TMEM87A: variants seen among roughly 807,000 people sequenced by gnomAD.
TMEM87A encodes Golgi-pH regulating cation channel.
In TMEM87A, 50 loss-of-function variants were observed where a neutral mutation model predicts 90.0. The observed-to-expected ratio is 0.56, with a 90% CI of 0.44 to 0.70. The LOEUF is 0.70. Among genes scored for constraint, TMEM87A ranks in the 30% least tolerant of loss-of-function variants. The pLI, the probability that TMEM87A is intolerant of heterozygous loss-of-function variation, is 0.00. For synonymous variants in TMEM87A, 226 were observed against 226.7 expected (o/e 1.00, Z 0.03); for missense variants, 577 against 660.5 (o/e 0.87, Z 1.39).
chr15:42,257,578 T>C (rs1312174375), intron 6 of TMEM87A, among the ~76,000 whole-genome samples: 1 of 152,338 alleles, frequency 6.6e-6, no homozygotes, highest in East Asian at 1.9e-4. Context: ...CTCACTTTCT[T>C]GGGGCCATAA....
chr15:42,248,009 T>C (rs915258397), intron 6 of TMEM87A, among the ~76,000 whole-genome samples: 2 of 152,120 alleles, frequency 1.3e-5, no homozygotes, highest in Non-Finnish European at 2.9e-5. Context: ...CACATCCCTT[T>C]TAAATTGGAT....
In TMEM87A at chr15:42,211,121, A is replaced by G. The variant is rs910929295; in HGVS notation, c.*587T>C. The G allele has an allele frequency of 1.4e-5, 2 of 147,262 alleles. No homozygotes were observed. The highest frequency in any genetic ancestry group is 2.0e-4 in the East Asian group (1 of 4,920). The allele number at this position is 147,262 out of a possible 1,614,324, so 9.1% of individuals were successfully genotyped here. ...TTTGCTTTTTTAAATGATCTGAATC[A>G]TACTGTAACAGTTTCTCTTTTTTTT... is the stretch of plus-strand genomic sequence containing the variant. On this transcript the variant is annotated 3_prime_UTR_variant, in exon 20 of 20. Coordinates refer to ENST00000389834, the MANE Select transcript of TMEM87A (RefSeq NM_015497.5).
At chr15:42,242,877 T>A (rs1025162409) in intron 7 of TMEM87A, among the ~76,000 whole-genome samples, 3 of 152,164 alleles carry the variant, frequency 2.0e-5, no homozygotes, top group Non-Finnish European at 4.4e-5. Flanking sequence ...AACACAGTAC[T>A]TAATGGTGAA....
At chr15:42,244,813 C>CTAAG (rs2050941254) in intron 6 of TMEM87A, among the ~76,000 whole-genome samples, 1 of 149,168 alleles carries the variant, frequency 6.7e-6, no homozygotes, top group South Asian at 2.2e-4. Context: ...AAACAGAAGA[C>CTAAG]TAAGACACAA....
intron 6 of TMEM87A, among the ~76,000 whole-genome samples, chr15:42,247,065 ATGTGTC>A (rs2050990190): frequency 6.6e-6 from 1 of 150,986 alleles, no homozygotes; most frequent in Non-Finnish European, 1.5e-5. Context: ...CATTTTTTTC[ATGTGTC>A]TGTTGGCTGC....
chr15:42,253,609 C>A (rs1015348874), intron 6 of TMEM87A, among the ~76,000 whole-genome samples: 13 of 152,182 alleles, frequency 8.5e-5, no homozygotes, highest in African/African-American at 2.7e-4. Flanking sequence ...TCCCCTGGCA[C>A]CAGCAACCTG....
intron 11 of TMEM87A, chr15:42,231,812 T>A: frequency 8.9e-7 from 1 of 1,126,576 alleles, no homozygotes; most frequent in African/African-American, 1.6e-5. Context: ...TAACCCTAAT[T>A]ACCCAATCAA....
intron 7 of TMEM87A, among the ~76,000 whole-genome samples, chr15:42,241,807 G>T (rs1448617896): frequency 6.6e-6 from 1 of 152,006 alleles, no homozygotes; most frequent in East Asian, 1.9e-4. Context: ...GGCCAACATG[G>T]TGAAACTAAA....
At position 42,228,824 on chromosome 15, in the gene TMEM87A, T is replaced by C. The variant is rs1302167662; in HGVS notation, c.1132-4A>G. On this transcript the variant is annotated splice_polypyrimidine_tract_variant and splice_region_variant and intron_variant, in intron 12 of 19. Coordinates refer to ENST00000389834, the MANE Select transcript of TMEM87A (RefSeq NM_015497.5). ...TTTGAGTCAGGCTAATAAATATGTG[T>C]TTGCAGGTCAAGGAATTCAACATTC... 6 of 1,563,480 alleles carry C rather than the reference T, an allele frequency of 3.8e-6. No individual in the cohort carries two copies. Among genetic ancestry groups the C allele is most frequent in the Non-Finnish European group, 5.2e-6 (6 of 1,159,048 alleles).
intron 10 of TMEM87A, among the ~76,000 whole-genome samples, chr15:42,235,264 C>T (rs2050750690): frequency 6.6e-6 from 1 of 152,216 alleles, no homozygotes; most frequent in African/African-American, 2.4e-5. Flanking sequence ...GTCTTGAACT[C>T]CTGACCTCAG....
chr15:42,247,052 GA>G (rs1175720990), intron 6 of TMEM87A, among the ~76,000 whole-genome samples: 3 of 14,144 alleles, frequency 2.1e-4, no homozygotes, highest in Non-Finnish European at 3.5e-3. Flanking sequence ...CAGTGATGAT[GA>G]GCATTTTTTT....
At chr15:42,224,977 G>C (rs1042431813) in intron 15 of TMEM87A, among the ~76,000 whole-genome samples, 3 of 152,208 alleles carry the variant, frequency 2.0e-5, no homozygotes, top group Non-Finnish European at 4.4e-5. Context: ...AATATAGCTA[G>C]TGAGTAACCA....
Position 42,260,854 on chromosome 15 carries a change from T to C in TMEM87A, c.504+104A>G, listed in dbSNP as rs2051273632. On this transcript the variant is annotated intron_variant, in intron 6 of 19. Transcript: ENST00000389834. Reference sequence around the variant, plus strand: ...TGGTCTATAGCTTCCAGATTTAACTTTCTTTTCAAATATTAGCATAGTATG... The same window carrying C: ...TGGTCTATAGCTTCCAGATTTAACTCTCTTTTCAAATATTAGCATAGTATG... The C allele has an allele frequency of 6.9e-6, 9 of 1,298,364 alleles. 1 individual carries two copies. The South Asian group carries it at 7.1e-5, about 10-fold the overall frequency. The allele number at this position is 1,298,364 out of a possible 1,614,324, so 80.4% of individuals were successfully genotyped here. A position where few individuals can be genotyped will look rare whatever the true frequency, so the allele number is the denominator to read the frequency against.
At chr15:42,249,395 T>G (rs1369711025) in intron 6 of TMEM87A, among the ~76,000 whole-genome samples, 3 of 152,244 alleles carry the variant, frequency 2.0e-5, no homozygotes, top group Non-Finnish European at 4.4e-5. Flanking sequence ...TTTAGATCTT[T>G]CCTGCTTTCT....
At chr15:42,227,529 C>G (rs1327500289) in intron 14 of TMEM87A, 182 bp downstream of exon 14, 2 of 521,086 alleles carry the variant, frequency 3.8e-6, no homozygotes, top group Non-Finnish European at 6.7e-6. Context: ...CAAAAAACTA[C>G]TATACCAAGC....
chr15:42,264,196 T>A lies in TMEM87A; in HGVS notation c.299A>T (p.Glu100Val), dbSNP rs775024306. The change falls in exon 4 of 20, where the codon GAA (glutamate) becomes GTA (valine). Residue 100 changes from glutamate (E) to valine (V), a missense_variant. Physicochemically the swap from Glu to Val is moderately radical, Grantham distance 121. Transcript: ENST00000389834. The part of the protein sequence containing the change: ...YNEIYNFKAE[E>V]VELYLEKLKE... ...AAGTTTTTCCAAATACAACTCTACT[T>A]CTTCTGCCTGGAAAAAGAGATAATA... 1.6e-5 allele frequency: 26 copies of A among 1,610,862 alleles called. No individual in the cohort carries two copies. The highest frequency in any genetic ancestry group is 2.2e-5 in the East Asian group (1 of 44,794).
rs1187894732 is a variant in TMEM87A, at chr15:42,211,366, C to T, written c.*342G>A. ...GTGTTGATGACAATCTTTTAGAAGACGTTAAACTTTTTAGTTTGTCAGATT... is the reference window on the plus strand; with the variant it reads ...GTGTTGATGACAATCTTTTAGAAGATGTTAAACTTTTTAGTTTGTCAGATT... On this transcript the variant is annotated 3_prime_UTR_variant, in exon 20 of 20. Coordinates refer to ENST00000389834, the MANE Select transcript of TMEM87A (RefSeq NM_015497.5). 2.0e-5 allele frequency: 4 copies of T among 196,332 alleles called. No homozygotes were observed. Among genetic ancestry groups the T allele is most frequent in the East Asian group, 1.2e-4 (1 of 8,096 alleles). 12.2% of individuals were successfully genotyped at this position (196,332 alleles called of 1,614,324 possible).
At chr15:42,263,138 T>C (rs1455445855) in intron 4 of TMEM87A, among the ~76,000 whole-genome samples, 1 of 152,214 alleles carries the variant, frequency 6.6e-6, no homozygotes, top group Admixed American at 6.5e-5. Context: ...GAATTAAAAA[T>C]GTGACGTTTT....
intron 7 of TMEM87A, among the ~76,000 whole-genome samples, chr15:42,242,442 C>T (rs1164790408): frequency 6.6e-6 from 1 of 151,340 alleles, no homozygotes; most frequent in Non-Finnish European, 1.5e-5. Flanking sequence ...ACACTGGTAA[C>T]TGTGCCTTGA....
Sources: gnomAD v4.1 joint callset for allele counts (sites outside exome capture counted in the v4.1 genomes callset) on GRCh38, gnomAD v4.1.1 for gene constraint, MANE v1.5 for transcripts, NCBI Gene and HGNC (gene_info 2026-07-23, HGNC 2026-07-21) for gene names.